The following MLPH variants were observed in gnomAD, a reference collection of about 807,000 sequenced individuals.
MLPH encodes the protein exophilin-3.
In MLPH, 51 loss-of-function variants were observed where a neutral mutation model predicts 72.1. The ratio of observed to expected loss-of-function variants is 0.71; its 90% CI spans 0.56 to 0.89. The LOEUF is 0.89. Among genes scored for constraint, MLPH ranks in the 40% least tolerant of loss-of-function variants. MLPH has a pLI of 0.00. For synonymous variants in MLPH, 301 were observed against 310.1 expected, an observed-to-expected ratio of 0.97 and a Z score of 0.31; for missense variants, 743 against 759.9, an observed-to-expected ratio of 0.98 and a Z score of 0.26.
chr2:237,499,165 C>G (rs111655607), intron 2 of MLPH, among the ~76,000 whole-genome samples: 1,733 of 152,162 alleles, frequency 0.011, 24 homozygotes, highest in African/African-American at 0.039. Context: ...AACTGCTTCA[C>G]GGCAGAGTGT....
intron 4 of MLPH, among the ~76,000 whole-genome samples, chr2:237,517,748 GA>G (rs2080080282): frequency 2.1e-5 from 3 of 142,298 alleles, no homozygotes; most frequent in African/African-American, 5.2e-5. Context: ...TGGATGGATG[GA>G]TGGATGGATG....
In MLPH at chr2:237,547,897, G is replaced by A. The variant is rs941741169; in HGVS notation, c.1617+1214G>A. On this transcript the variant is annotated intron_variant, in intron 13 of 15. Coordinates refer to ENST00000264605, the MANE Select transcript of MLPH (RefSeq NM_024101.7). ...TAGGGGTAGGATGAGAGGTACCATG[G>A]CCAGCGCCCCAGGAGGAATGGGCTT... 2.0e-5 allele frequency among the ~76,000 whole-genome samples: 3 copies of A among 152,110 alleles called. No individual in the cohort carries two copies. The East Asian group carries it at 5.8e-4, about 29-fold the overall frequency.
At chr2:237,506,578 A>G (rs750576952) in intron 2 of MLPH, among the ~76,000 whole-genome samples, 1 of 152,192 alleles carries the variant, frequency 6.6e-6, no homozygotes, top group Non-Finnish European at 1.5e-5. Flanking sequence ...ACTGGGGGCT[A>G]CATGCACCTG....
chr2:237,522,320 G>A (rs548374121), intron 6 of MLPH, among the ~76,000 whole-genome samples: 12 of 91,836 alleles, frequency 1.3e-4, no homozygotes, highest in African/African-American at 5.6e-4. Context: ...ACTGGGGTTG[G>A]GCCTTCAAAC....
Position 237,547,999 on chromosome 2 carries a change from G to A in MLPH, c.1618-1222G>A, listed in dbSNP as rs1404397303. Among the ~76,000 whole-genome samples, 13 of 152,200 alleles carry A rather than the reference G, an allele frequency of 8.5e-5. 1 individual carries two copies. The highest frequency in any genetic ancestry group is 8.5e-4 in the Admixed American group (13 of 15,284). ...TCTAGCCACTCCTCTTCCAACCCCG[G>A]CAGCTCCTCACAGTGACACGCGATG... On this transcript the variant is annotated intron_variant, in intron 13 of 15. Transcript: ENST00000264605.
At chr2:237,553,439 T>G in intron 15 of MLPH, 127 bp from the exon 16 acceptor site, 2 of 899,900 alleles carry the variant, frequency 2.2e-6, no homozygotes, top group Non-Finnish European at 3.5e-6. Flanking sequence ...GTAATCTAAA[T>G]TTGTGTCTAC....
chr2:237,527,477 C>G lies in MLPH; in HGVS notation c.981C>G (p.His327Gln), dbSNP rs758809742. ...TCCGGGCTCACGTGATGGCCTCCCA[C>G]CATTCCAAGCGGAGAGGCCGGGCGT... is the stretch of plus-strand genomic sequence containing the variant. ...ESIRAHVMAS[H>Q]HSKRRGRASS... Residue 327 changes from histidine to glutamine, a missense_variant, in exon 8 of 16, where the codon CAC becomes CAG. Transcript: ENST00000264605. The G allele has an allele frequency of 1.2e-6, 2 of 1,614,178 alleles. No individual in the cohort carries two copies. Among genetic ancestry groups the G allele is most frequent in the African/African-American group, 1.3e-5 (1 of 75,046 alleles).
chr2:237,509,296 C>A (rs1478805047), intron 2 of MLPH, among the ~76,000 whole-genome samples: 1 of 152,236 alleles, frequency 6.6e-6, no homozygotes, highest in African/African-American at 2.4e-5. Context: ...TAAGAGGACT[C>A]CTCCAGCCTG....
At chr2:237,531,587 T>G (rs527563822) in intron 8 of MLPH, among the ~76,000 whole-genome samples, 1 of 152,368 alleles carries the variant, frequency 6.6e-6, no homozygotes, top group East Asian at 1.9e-4. Flanking sequence ...TATACCTGCT[T>G]GGAATTATTC....
chr2:237,504,451 C>T (rs1028867305), intron 2 of MLPH, among the ~76,000 whole-genome samples: 1 of 152,192 alleles, frequency 6.6e-6, no homozygotes, highest in Non-Finnish European at 1.5e-5. Context: ...CTCCTGACCT[C>T]AGGTGATCCA....
chr2:237,519,427 G>C lies in MLPH; in HGVS notation c.556-483G>C, dbSNP rs191093769. Among the ~76,000 whole-genome samples the C allele has an allele frequency of 3.9e-5, 6 of 152,330 alleles. No individual in the cohort carries two copies. In the East Asian group the frequency reaches 7.7e-4, roughly 20 times the overall value. On this transcript the variant is annotated intron_variant, in intron 5 of 15. Coordinates refer to ENST00000264605, the MANE Select transcript of MLPH (RefSeq NM_024101.7). ...CCCTACATGATAGAGCAGTTTAAAG[G>C]ATCAAAAGAATTATAATGAAATAGG...
At chr2:237,511,993 A>T (rs1383090145) in intron 4 of MLPH, among the ~76,000 whole-genome samples, 2 of 152,206 alleles carry the variant, frequency 1.3e-5, no homozygotes, top group Non-Finnish European at 2.9e-5. Context: ...AAGCCCGGCC[A>T]AGCATTCGGG....
chr2:237,536,439 AG>A (rs1322119886), intron 9 of MLPH, among the ~76,000 whole-genome samples: 1 of 152,178 alleles, frequency 6.6e-6, no homozygotes, highest in African/African-American at 2.4e-5. Flanking sequence ...CTTATAGATG[AG>A]GAAACTGAGG....
intron 2 of MLPH, among the ~76,000 whole-genome samples, chr2:237,500,311 C>A (rs1320432542): frequency 2.6e-5 from 4 of 152,186 alleles, no homozygotes; most frequent in African/African-American, 9.7e-5. Flanking sequence ...GAGTTCTAGA[C>A]CAGCACTGCC....
intron 4 of MLPH, among the ~76,000 whole-genome samples, chr2:237,513,816 T>C (rs1273918075): frequency 6.6e-6 from 1 of 152,138 alleles, no homozygotes; most frequent in South Asian, 2.1e-4. Flanking sequence ...GGGATGCGTC[T>C]CCTCAAGGCA....
chr2:237,518,791 C>T, intron 5 of MLPH, 143 bp downstream of exon 5: 1 of 718,868 alleles, frequency 1.4e-6, no homozygotes. Context: ...GAATCTGCTG[C>T]CCTTTCCCAG....
chr2:237,490,340 G>C (rs2079404962), intron 1 of MLPH, among the ~76,000 whole-genome samples: 1 of 151,566 alleles, frequency 6.6e-6, no homozygotes, highest in Non-Finnish European at 1.5e-5. Context: ...AAAAAAAAAA[G>C]AAAGAAAACC....
chr2:237,522,321 G>A (rs1341657918), intron 6 of MLPH, among the ~76,000 whole-genome samples: 1 of 87,722 alleles, frequency 1.1e-5, no homozygotes, highest in Middle Eastern at 6.5e-3. Context: ...CTGGGGTTGG[G>A]CCTTCAAACA....
intron 14 of MLPH, chr2:237,551,977 C>CA (rs1164035810): frequency 0.23 from 36,595 of 159,282 alleles, 4,281 homozygotes; most frequent in East Asian, 0.4. Context: ...GACTTTGTCT[C>CA]AAAAAAAAAA....
Sources: gnomAD v4.1 joint callset for allele counts (sites outside exome capture counted in the v4.1 genomes callset) on GRCh38, gnomAD v4.1.1 for gene constraint, MANE v1.5 for transcripts, NCBI Gene and HGNC (gene_info 2026-07-23, HGNC 2026-07-21) for gene names.